CD72: variants seen among roughly 807,000 people sequenced by gnomAD.
The protein encoded by CD72 is B-cell differentiation antigen CD72.
CD72 carries 28 observed loss-of-function variants against 50.7 expected under a neutral mutation model. The ratio of observed to expected loss-of-function variants is 0.55; its 90% CI spans 0.41 to 0.76. The LOEUF is 0.76. Ranked by LOEUF, CD72 falls within the 30% of genes least tolerant of loss-of-function variation. The pLI, the probability that CD72 is intolerant of heterozygous loss-of-function variation, is 0.00. For synonymous variants in CD72, 176 were observed against 171.2 expected (o/e 1.03, Z -0.22); for missense variants, 403 against 420.6 (o/e 0.96, Z 0.37).
intron 1 of CD72, among the ~76,000 whole-genome samples, chr9:35,633,322 C>G (rs147618571): frequency 7.0e-6 from 1 of 143,164 alleles, no homozygotes; most frequent in Non-Finnish European, 1.5e-5. Flanking sequence ...GATTTGATTT[C>G]TTTTCTTATT....
Position 35,610,637 on chromosome 9 carries a change from C to G in CD72, c.1067G>C (p.Arg356Thr). 6.2e-7 allele frequency: 1 copy of G among 1,614,050 alleles called. No homozygotes were observed. Among genetic ancestry groups the G allele is most frequent in the Non-Finnish European group, 8.5e-7 (1 of 1,179,942 alleles). ...LPYICEMTAF[R>T]FPD is the part of the protein sequence containing the mutation. ...CAAAGGACTGTCCTAATCTGGAAAC[C>G]TGAAAGCTGTCATCTCACAGATGTA... is the stretch of plus-strand genomic sequence containing the variant. Residue 356 changes from arginine (R) to threonine (T), a missense_variant, in exon 8 of 9, where the codon AGG (arginine) becomes ACG (threonine). By Grantham distance (71) the Arg-to-Thr change is moderately conservative. Transcript: ENST00000259633.
chr9:35,618,648 C>T (rs1018628100), upstream of CD72: 4 of 656,146 alleles, frequency 6.1e-6, no homozygotes, highest in African/African-American at 3.7e-5. Context: ...GCCCCAAACT[C>T]GGTCCTTCTG....
intron 1 of CD72, among the ~76,000 whole-genome samples, chr9:35,628,308 C>T (rs1823214031): frequency 6.6e-6 from 1 of 152,178 alleles, no homozygotes; most frequent in Non-Finnish European, 1.5e-5. Flanking sequence ...AAACTATGAC[C>T]TGGGCGGGGC....
intron 1 of CD72, among the ~76,000 whole-genome samples, chr9:35,637,684 C>T (rs1263597535): frequency 6.6e-6 from 1 of 152,204 alleles, no homozygotes; most frequent in Admixed American, 6.5e-5. Context: ...CCCTTGGTGT[C>T]TAATCACTGC....
chr9:35,626,327 T>C (rs1007661139), intron 1 of CD72, among the ~76,000 whole-genome samples: 23 of 152,180 alleles, frequency 1.5e-4, no homozygotes, highest in Admixed American at 5.9e-4. Flanking sequence ...AGTCTGAAGA[T>C]GTGACTGAAT....
At position 35,612,910 on chromosome 9, in the gene CD72, G is replaced by T. The variant is rs746436921; in HGVS notation, c.772C>A (p.Gln258Lys). The T allele has an allele frequency of 2.1e-5, 34 of 1,613,916 alleles. No individual in the cohort carries two copies. The highest frequency in any genetic ancestry group is 2.5e-5 in the Non-Finnish European group (30 of 1,179,958). The change falls in exon 6 of 9, where the codon CAA becomes AAA. Residue 258 changes from glutamine (Q) to lysine (K), a missense_variant. Physicochemically the swap from Gln to Lys is moderately conservative, Grantham distance 53. Coordinates refer to ENST00000259633, the MANE Select transcript of CD72 (RefSeq NM_001782.3). The part of the protein sequence containing the change: ...SLTSKNWQES[Q>K]KQCETLSSKL... ...GAAGACAGAGTTTCACATTGTTTTT[G>T]GCTCTCCTGCCAATTTTTTGAAGTA...
At chr9:35,622,661 C>A (rs946412596), upstream of CD72, among the ~76,000 whole-genome samples, 7 of 152,048 alleles carry the variant, frequency 4.6e-5, no homozygotes, top group Non-Finnish European at 1.0e-4. Flanking sequence ...GCGGCGCACA[C>A]CTGTAGTCCC....
intron 1 of CD72, among the ~76,000 whole-genome samples, chr9:35,641,021 G>A (rs569001387): frequency 2.0e-4 from 31 of 152,200 alleles, no homozygotes; most frequent in African/African-American, 7.5e-4. Context: ...TCCCAGCTAC[G>A]CTTAGGGATT....
intron 1 of CD72, among the ~76,000 whole-genome samples, chr9:35,628,027 G>A (rs1039510208): frequency 2.1e-4 from 32 of 152,018 alleles, no homozygotes; most frequent in Non-Finnish European, 4.0e-4. Context: ...TAGAGACAAG[G>A]TTTCGCTATG....
chr9:35,616,066 G>T lies in CD72; in HGVS notation c.565C>A (p.Gln189Lys). ...TCCTTCGTCTTCTGTCTGTCTGCCT[G>T]GCAGGCCTGTAGCTGCCCTTCGGCC... is the stretch of plus-strand genomic sequence containing the variant. Reference protein sequence around the residue: ...QAAEGQLQACQADRQKTKETL... With the variant: ...QAAEGQLQACKADRQKTKETL... The change falls in exon 5 of 9, where the codon CAG becomes AAG. Residue 189 changes from glutamine to lysine, a missense_variant. Physicochemically the swap from Gln to Lys is moderately conservative, Grantham distance 53 (BLOSUM62 1). Transcript: ENST00000259633. 1 of 1,614,078 alleles carries T rather than the reference G, an allele frequency of 6.2e-7. No individual in the cohort carries two copies. Among genetic ancestry groups the T allele is most frequent in the Non-Finnish European group, 8.5e-7 (1 of 1,180,026 alleles).
intron 5 of CD72, among the ~76,000 whole-genome samples, chr9:35,614,243 C>A (rs1823036179): frequency 6.6e-6 from 1 of 152,132 alleles, no homozygotes; most frequent in Non-Finnish European, 1.5e-5. Context: ...GTTATGTATT[C>A]CATAACTGTT....
At chr9:35,629,746 C>A (rs1415551875) in intron 1 of CD72, among the ~76,000 whole-genome samples, 1 of 152,192 alleles carries the variant, frequency 6.6e-6, no homozygotes, top group Non-Finnish European at 1.5e-5. Flanking sequence ...GAATGTCCTG[C>A]CACAGAAGGT....
exon 1 of CD72, chr9:35,646,695 C>T (rs1442735925): frequency 6.6e-6 from 1 of 152,244 alleles, no homozygotes; most frequent in East Asian, 1.9e-4. Context: ...TACAGAAACT[C>T]AGTTTACAAA....
chr9:35,611,805 T>C lies in CD72; in HGVS notation c.949A>G (p.Arg317Gly), dbSNP rs79382708. The change falls in exon 7 of 9, where the codon AGG becomes GGG. Residue 317 changes from arginine (R) to glycine (G), a missense_variant and splice_region_variant. By Grantham distance (125) the Arg-to-Gly change is moderately radical. Transcript: ENST00000259633. ...WKLTDDTQRT[R>G]TYAQSSKCNK... ...ACCCAGAAGTCCTAACAAACTTACC[T>C]AGTGCGTTGTGTATCATCAGTCAAC... is the stretch of plus-strand genomic sequence containing the variant. 1.3e-4 allele frequency: 194 copies of C among 1,547,302 alleles called. 1 individual carries two copies. In the African/African-American group the frequency reaches 2.3e-3, roughly 19 times the overall value.
chr9:35,644,263 T>A (rs1022052837), intron 1 of CD72, among the ~76,000 whole-genome samples: 9 of 145,418 alleles, frequency 6.2e-5, no homozygotes, highest in Admixed American at 5.8e-4. Context: ...GGAGAATCGC[T>A]TGAAACCAGG....
intron 1 of CD72, among the ~76,000 whole-genome samples, chr9:35,644,249 G>C (rs2131795212): frequency 6.7e-6 from 1 of 149,442 alleles, no homozygotes; most frequent in East Asian, 2.0e-4. Context: ...TGGAGGCTGA[G>C]GCAGGAGAAT....
intron 1 of CD72, among the ~76,000 whole-genome samples, chr9:35,645,140 A>G (rs1170871679): frequency 2.0e-5 from 3 of 149,364 alleles, no homozygotes; most frequent in African/African-American, 7.4e-5. Context: ...CGGAGGTTGC[A>G]GTGAGCCGAG....
At chr9:35,623,323 G>A (rs1000968625), upstream of CD72, among the ~76,000 whole-genome samples, 2 of 151,810 alleles carry the variant, frequency 1.3e-5, no homozygotes, top group African/African-American at 4.9e-5. Flanking sequence ...TTTACAAATT[G>A]GGAAACTGGA....
At position 35,617,179 on chromosome 9, in the gene CD72, G is replaced by C. The variant is rs1247609637; in HGVS notation, c.259C>G (p.Pro87Ala). 2.6e-6 allele frequency: 4 copies of C among 1,563,744 alleles called. No homozygotes were observed. The highest frequency in any genetic ancestry group is 2.7e-5 in the African/African-American group (2 of 73,560). The change falls in exon 3 of 9, where the codon CCC becomes GCC. Residue 87 changes from proline to alanine, a missense_variant. Physicochemically the swap from Pro to Ala is conservative, Grantham distance 27. Coordinates refer to ENST00000259633, the MANE Select transcript of CD72 (RefSeq NM_001782.3). ...TGCCCCGCACAGGCACACTCACAGG[G>C]GAGAATCCGCCCGACAGCTGGTGAC... ...VTSPAVGRILPCRTTCLRYLL... is the reference protein window; with the variant it reads ...VTSPAVGRILACRTTCLRYLL...
Sources: allele counts gnomAD v4.1 joint callset (sites outside exome capture counted in the v4.1 genomes callset), GRCh38; gene constraint gnomAD v4.1.1; transcripts MANE v1.5; gene names NCBI Gene and HGNC (gene_info 2026-07-23, HGNC 2026-07-21).